Variants in ZNF311 observed in about 807,000 individuals in gnomAD.
ZNF311 encodes zinc finger protein zfp31.
A neutral mutation model predicts 22.7 loss-of-function variants in ZNF311; 14 were observed. The observed-to-expected ratio is 0.62, with a 90% CI of 0.41 to 0.96. The LOEUF is 0.96. ZNF311 is among the 40% of genes least tolerant of loss of function. The probability of loss-of-function intolerance (pLI) is 0.00; values close to 1 mark genes in which losing one functional copy is unlikely to be tolerated. For synonymous variants in ZNF311, 250 were observed against 275.3 expected (o/e 0.91, Z 0.91); for missense variants, 731 against 799.0 (o/e 0.91, Z 1.03).
In ZNF311 at chr6:29,005,198, C is replaced by A. The variant is rs1487111094; in HGVS notation, c.-451G>T. ...GTTGTATTCTCAACGCCTAAAACAGCGCTTGCAATAGTATGTGCTGGATTA... is the reference window on the plus strand; with the variant it reads ...GTTGTATTCTCAACGCCTAAAACAGAGCTTGCAATAGTATGTGCTGGATTA... On this transcript the variant is annotated 5_prime_UTR_variant, in exon 1 of 7. Transcript: ENST00000377179. 1 of 151,596 alleles carries A rather than the reference C, an allele frequency of 6.6e-6. No individual in the cohort carries two copies. Among genetic ancestry groups the A allele is most frequent in the Non-Finnish European group, 1.5e-5 (1 of 67,998 alleles). The allele number at this position is 151,596 out of a possible 1,614,324, so 9.4% of individuals were successfully genotyped here.
In ZNF311 at chr6:28,995,344, T is replaced by A. The variant is rs973366357; in HGVS notation, c.1658A>T (p.Lys553Met). 5.0e-6 allele frequency: 8 copies of A among 1,613,964 alleles called. No individual in the cohort carries two copies. The African/African-American group carries it at 1.1e-4, about 22-fold the overall frequency. The change falls in exon 7 of 7, where the codon AAG becomes ATG. Residue 553 changes from lysine to methionine, a missense_variant. Physicochemically the swap from Lys to Met is moderately conservative, Grantham distance 95. Transcript: ENST00000377179. The surrounding 1 kb of genome is among the most constrained non-coding windows in gnomAD (Gnocchi z 4.7). ...TCCACATACCTCACATTTGTGAGGC[T>A]TCTCTCCAGTGTGAATTCTTCGATG... Reference protein sequence around the residue: ...TNHRRIHTGEKPHKCEVCGMA... With the variant: ...TNHRRIHTGEMPHKCEVCGMA...
chr6:28,999,971 T>G lies in ZNF311; in HGVS notation c.168A>C (p.Leu56=), dbSNP rs371910500. 2.5e-6 allele frequency: 4 copies of G among 1,613,436 alleles called. No homozygotes were observed. In the Middle Eastern group the frequency reaches 5.0e-4, roughly 200 times the overall value. Residue 56 remains leucine (L), a synonymous_variant, in exon 4 of 7, where the codon CTA becomes CTC. Coordinates refer to ENST00000377179, the MANE Select transcript of ZNF311 (RefSeq NM_001382360.1). ...QGNLPQADIT[L]MSQAQESVTF... is the part of the protein sequence containing the mutation. ...CTCAGCTCACTTGGGCCTGGCTCAT[T>G]AGTGTGATATCTGCTTGCGGCAGGT...
In ZNF311 at chr6:28,996,407, T is replaced by C. The variant is rs1178267248; in HGVS notation, c.595A>G (p.Ile199Val). Residue 199 changes from isoleucine (I) to valine (V), a missense_variant, in exon 7 of 7, where the codon ATA becomes GTA. Ile to Val is a conservative substitution (Grantham distance 29, BLOSUM62 3). Transcript: ENST00000377179. Reference sequence around the variant, plus strand: ...TTCTCTTCTCTCAGTTTCTCCCTTATAGATGTTTCCCATTGATTCTCTAAT... The same window carrying C: ...TTCTCTTCTCTCAGTTTCTCCCTTACAGATGTTTCCCATTGATTCTCTAAT... ...VKLENQWETS[I>V]REKLREEKEG... 4 of 1,611,150 alleles carry C rather than the reference T, an allele frequency of 2.5e-6. No homozygotes were observed. The highest frequency in any genetic ancestry group is 1.7e-5 in the Admixed American group (1 of 60,016).
chr6:28,999,190 C>T lies in ZNF311; in HGVS notation c.310+297G>A, dbSNP rs989348511. On this transcript the variant is annotated intron_variant, in intron 5 of 6. Transcript: ENST00000377179. ...ATAGAAGGCAGTTCTTGACTAGGAG[C>T]GGAATATAGAACACCCCATAAAAAA... 3.3e-5 allele frequency among the ~76,000 whole-genome samples: 5 copies of T among 149,842 alleles called. No homozygotes were observed. In the East Asian group the frequency reaches 5.8e-4, roughly 17 times the overall value.
At chr6:28,999,790 G>C (rs2150694815) in intron 4 of ZNF311, 166 bp downstream of exon 4, 1 of 1,247,446 alleles carries the variant, frequency 8.0e-7, no homozygotes, top group East Asian at 2.5e-5. Flanking sequence ...AAAAAATAAT[G>C]AAAGAGAAAA....
intron 1 of ZNF311, among the ~76,000 whole-genome samples, chr6:29,004,442 C>CTTTTTTTTTTTTTTTTTTT (rs9280531): frequency 6.5e-5 from 2 of 30,604 alleles, no homozygotes; most frequent in Non-Finnish European, 9.4e-5. Flanking sequence ...TTCCTCCTTT[C>CTTTTTTTTTTTTTTTTTTT]TTTTTTTTTT....
In ZNF311 at chr6:28,999,500, G is replaced by A. The variant is rs1397041305; in HGVS notation, c.297C>T (p.Asn99=). ...YKDVMLENYG[N]MVSLGFPFPK... is the part of the protein sequence containing the mutation. ...GAAGGTCCTTACCAAGTGATACCAT[G>A]TTCCCATAATTTTCCAACATCACAT... is the stretch of plus-strand genomic sequence containing the variant. The change falls in exon 5 of 7, where the codon AAC becomes AAT. Residue 99 remains asparagine, a synonymous_variant. Coordinates refer to ENST00000377179, the MANE Select transcript of ZNF311 (RefSeq NM_001382360.1). 6.2e-6 allele frequency: 10 copies of A among 1,611,082 alleles called. No individual in the cohort carries two copies. The highest frequency in any genetic ancestry group is 8.5e-6 in the Non-Finnish European group (10 of 1,179,216).
intron 3 of ZNF311, 145 bp from the exon 4 acceptor site, chr6:29,000,192 C>G (rs1223103555): frequency 2.8e-6 from 2 of 726,062 alleles, no homozygotes; most frequent in African/African-American, 3.6e-5. Flanking sequence ...CCTTCCTCTT[C>G]ATTATTTTTC....
intron 5 of ZNF311, 62 bp from the exon 6 acceptor site, chr6:28,998,900 C>G: frequency 8.8e-7 from 1 of 1,132,762 alleles, no homozygotes; most frequent in Non-Finnish European, 1.3e-6. Flanking sequence ...TATAACTTAG[C>G]TAAGCAGCCC....
At chr6:28,998,099 ATGACTCTCACC>A (rs1458834467) in intron 6 of ZNF311, among the ~76,000 whole-genome samples, 2 of 152,046 alleles carry the variant, frequency 1.3e-5, no homozygotes, top group Non-Finnish European at 2.9e-5. Context: ...TCTGCCTAGA[ATGACTCTCACC>A]TGTCTCAATT....
chr6:28,995,262 C>T lies in ZNF311; in HGVS notation c.1740G>A (p.Glu580=). 6.2e-7 allele frequency: 1 copy of T among 1,614,064 alleles called. No individual in the cohort carries two copies. Among genetic ancestry groups the T allele is most frequent in the African/African-American group, 1.3e-5 (1 of 75,054 alleles). The change falls in exon 7 of 7, where the codon GAG becomes GAA. Residue 580 remains glutamate, a synonymous_variant. Coordinates refer to ENST00000377179, the MANE Select transcript of ZNF311 (RefSeq NM_001382360.1). This position sits in a 1 kb window ranked among gnomAD's most constrained non-coding sequence, Gnocchi z 4.7. ...LRQHKRIHTG[E]KPYTCSECGT... ...CACACTCACTGCAGGTGTATGGCTT[C>T]TCACCAGTGTGGATTCTTTTGTGCT...
At chr6:28,998,880 C>G in intron 5 of ZNF311, 42 bp from the exon 6 acceptor site, 3 of 1,409,530 alleles carry the variant, frequency 2.1e-6, no homozygotes, top group South Asian at 1.2e-5. Context: ...TAACTTATAA[C>G]TTAATAACTT....
chr6:28,995,631 T>A lies in ZNF311; in HGVS notation c.1371A>T (p.Glu457Asp). Residue 457 changes from glutamate (E) to aspartate (D), a missense_variant, in exon 7 of 7, where the codon GAA becomes GAT. Coordinates refer to ENST00000377179, the MANE Select transcript of ZNF311 (RefSeq NM_001382360.1). This position sits in a 1 kb window ranked among gnomAD's most constrained non-coding sequence, Gnocchi z 4.7. The stretch of plus-strand genomic sequence containing the variant: ...TGTGGATCCTTCTGTGTTTGGTGAG[T>A]TCTGCCTTGATGCTGAAGTCTTTTC... ...QCGKDFSIKA[E>D]LTKHRRIHTE... is the part of the protein sequence containing the mutation. 6.2e-7 allele frequency: 1 copy of A among 1,612,948 alleles called. No homozygotes were observed. The highest frequency in any genetic ancestry group is 8.5e-7 in the Non-Finnish European group (1 of 1,179,856).
At chr6:29,002,911 G>A (rs1780645533) in intron 3 of ZNF311, among the ~76,000 whole-genome samples, 2 of 152,160 alleles carry the variant, frequency 1.3e-5, no homozygotes, top group South Asian at 2.1e-4. Flanking sequence ...ATAAGTCACC[G>A]CACCCGGCCT....
At position 28,995,252 on chromosome 6, in the gene ZNF311, T is replaced by G; in HGVS notation, c.1750A>C (p.Thr584Pro). The G allele has an allele frequency of 1.9e-6, 3 of 1,614,078 alleles. No individual in the cohort carries two copies. Among genetic ancestry groups the G allele is most frequent in the South Asian group, 1.1e-5 (1 of 91,088 alleles). Residue 584 changes from threonine to proline, a missense_variant, in exon 7 of 7, where the codon ACC (threonine) becomes CCC (proline). Thr to Pro is a conservative substitution (Grantham distance 38). Coordinates refer to ENST00000377179, the MANE Select transcript of ZNF311 (RefSeq NM_001382360.1). The surrounding 1 kb of genome is among the most constrained non-coding windows in gnomAD (Gnocchi z 4.7). ...AAGGACGTGCCACACTCACTGCAGG[T>G]GTATGGCTTCTCACCAGTGTGGATT... ...KRIHTGEKPY[T>P]CSECGTSFRQ...
intron 6 of ZNF311, among the ~76,000 whole-genome samples, chr6:28,997,425 G>A (rs747816418): frequency 6.6e-6 from 1 of 152,214 alleles, no homozygotes; most frequent in South Asian, 2.1e-4. Context: ...GCTTAAGCTA[G>A]CTTGGGTTAA....
Position 28,995,069 on chromosome 6 carries a change from T to C in ZNF311, c.1933A>G (p.Ser645Gly). Residue 645 changes from serine to glycine, a missense_variant, in exon 7 of 7, where the codon AGT (serine) becomes GGT (glycine). Physicochemically the swap from Ser to Gly is moderately conservative, Grantham distance 56. Transcript: ENST00000377179. This position sits in a 1 kb window ranked among gnomAD's most constrained non-coding sequence, Gnocchi z 4.7. ...GTCACTGGAGAGAGGGATTTCCTAC[T>C]CCCATCAAGTTCATGGGTACTCCAT... ...QVWSTHELDG[S>G]RKSLSPVTVS... The C allele has an allele frequency of 1.2e-6, 2 of 1,613,612 alleles. No individual in the cohort carries two copies. The highest frequency in any genetic ancestry group is 2.2e-5 in the South Asian group (2 of 91,082).
chr6:28,995,702 T>C lies in ZNF311; in HGVS notation c.1300A>G (p.Lys434Glu), dbSNP rs754410344. 1.2e-6 allele frequency: 2 copies of C among 1,613,706 alleles called. No individual in the cohort carries two copies. The highest frequency in any genetic ancestry group is 2.2e-5 in the South Asian group (2 of 91,080). ...FSRSSDLSKH[K>E]RIHTREKHYG... Reference sequence around the variant, plus strand: ...TGTTTCTCCCGAGTATGGATTCGTTTGTGTTTGCTTAGGTCTGAGCTCCGA... The same window carrying C: ...TGTTTCTCCCGAGTATGGATTCGTTCGTGTTTGCTTAGGTCTGAGCTCCGA... Residue 434 changes from lysine to glutamate, a missense_variant, in exon 7 of 7, where the codon AAA (lysine) becomes GAA (glutamate). Physicochemically the swap from Lys to Glu is moderately conservative, Grantham distance 56 (BLOSUM62 1). Coordinates refer to ENST00000377179, the MANE Select transcript of ZNF311 (RefSeq NM_001382360.1). This position sits in a 1 kb window ranked among gnomAD's most constrained non-coding sequence, Gnocchi z 4.7.
At chr6:29,002,857 G>A (rs1312936996) in intron 3 of ZNF311, among the ~76,000 whole-genome samples, 1 of 152,072 alleles carries the variant, frequency 6.6e-6, no homozygotes, top group Admixed American at 6.5e-5. Flanking sequence ...CTGACCTCTA[G>A]TGATCCACCC....
Sources: gnomAD v4.1 joint callset for allele counts (sites outside exome capture counted in the v4.1 genomes callset) on GRCh38, gnomAD v4.1.1 for gene constraint, Gnocchi (gnomAD v3.1) non-coding constraint, MANE v1.5 for transcripts, NCBI Gene and HGNC (gene_info 2026-07-23, HGNC 2026-07-21) for gene names.